LRP1B: variants seen among roughly 807,000 people sequenced by gnomAD.
The protein encoded by LRP1B is low-density lipoprotein receptor-related protein 1B.
LRP1B carries 217 observed loss-of-function variants against 556.6 expected under a neutral mutation model. The observed-to-expected ratio is 0.39, with a 90% confidence interval of 0.35 to 0.44. LRP1B has a LOEUF of 0.44. Ranked by LOEUF, LRP1B falls within the 20% of genes least tolerant of loss-of-function variation. The probability of loss-of-function intolerance (pLI) is 1.00; values close to 1 mark genes in which losing one functional copy is unlikely to be tolerated. For missense variants in LRP1B, 5,053 were observed against 5,620.8 expected (o/e 0.90, Z 3.23); for synonymous variants, 2,047 against 1,865.8 (o/e 1.10, Z -2.50).
chr2:141,991,349 C>T (rs1702338414), intron 1 of LRP1B, among the ~76,000 whole-genome samples: 1 of 151,896 alleles, frequency 6.6e-6, no homozygotes, highest in African/African-American at 2.4e-5. Flanking sequence ...TTGTGATCAC[C>T]CTTAACATAG....
At chr2:140,503,523 T>C (rs919034868) in intron 53 of LRP1B, among the ~76,000 whole-genome samples, 3 of 152,106 alleles carry the variant, frequency 2.0e-5, no homozygotes, top group Non-Finnish European at 4.4e-5. Flanking sequence ...TCTGATATCA[T>C]GTTTATGTTT....
At chr2:141,266,323 CAAAA>C (rs34877238) in intron 3 of LRP1B, among the ~76,000 whole-genome samples, 2 of 73,282 alleles carry the variant, frequency 2.7e-5, no homozygotes, top group Admixed American at 1.5e-4. Flanking sequence ...GACTCTGTTT[CAAAA>C]AAAAAAAAAA....
At chr2:141,124,675 A>AG (rs1701155675) in intron 7 of LRP1B, among the ~76,000 whole-genome samples, 1 of 151,548 alleles carries the variant, frequency 6.6e-6, no homozygotes, top group African/African-American at 2.4e-5. Flanking sequence ...AAAAAAAAAA[A>AG]AAAAAGAAAA....
chr2:141,530,301 T>A (rs1298389484), intron 2 of LRP1B, among the ~76,000 whole-genome samples: 1 of 152,034 alleles, frequency 6.6e-6, no homozygotes, highest in Non-Finnish European at 1.5e-5. Flanking sequence ...AGATGTGGAA[T>A]AGAGAATTAG....
At chr2:140,485,211 A>G (rs1039790618) in intron 59 of LRP1B, 132 bp downstream of exon 59, 18 of 536,092 alleles carry the variant, frequency 3.4e-5, no homozygotes, top group African/African-American at 2.7e-4. Context: ...GTTTTTTTCT[A>G]TTTCTAAGTG....
chr2:140,817,974 G>T (rs1691186369), intron 31 of LRP1B, among the ~76,000 whole-genome samples: 1 of 152,062 alleles, frequency 6.6e-6, no homozygotes, highest in African/African-American at 2.4e-5. Context: ...AGTTTAATTG[G>T]TTTGGGCTGG....
intron 2 of LRP1B, among the ~76,000 whole-genome samples, chr2:141,740,329 G>C (rs187093005): frequency 6.6e-6 from 1 of 152,280 alleles, no homozygotes; most frequent in African/African-American, 2.4e-5. Context: ...AGTCTAATCA[G>C]TGTAATATAC....
At chr2:141,693,984 T>A (rs1691638800) in intron 2 of LRP1B, among the ~76,000 whole-genome samples, 1 of 151,990 alleles carries the variant, frequency 6.6e-6, no homozygotes, top group African/African-American at 2.4e-5. Flanking sequence ...GGACTAGGAA[T>A]TGGAGTGCAA....
intron 66 of LRP1B, among the ~76,000 whole-genome samples, chr2:140,435,687 G>C (rs914048558): frequency 6.7e-6 from 1 of 150,238 alleles, no homozygotes; most frequent in African/African-American, 2.4e-5. Flanking sequence ...AAAAAAGAAA[G>C]AAACATCAAC....
intron 2 of LRP1B, among the ~76,000 whole-genome samples, chr2:141,668,055 G>A (rs1375148071): frequency 6.6e-6 from 1 of 152,104 alleles, no homozygotes; most frequent in Non-Finnish European, 1.5e-5. Flanking sequence ...TAGCTATGAA[G>A]CATGGCACCC....
intron 67 of LRP1B, among the ~76,000 whole-genome samples, chr2:140,385,374 A>G (rs114701040): frequency 0.052 from 7,914 of 152,338 alleles, 293 homozygotes; most frequent in Non-Finnish European, 0.082. Context: ...TATTATATAA[A>G]ATGGAGAAGA....
At chr2:140,364,044 A>G (rs1457503859) in intron 72 of LRP1B, among the ~76,000 whole-genome samples, 2 of 151,672 alleles carry the variant, frequency 1.3e-5, no homozygotes, top group African/African-American at 2.4e-5. Flanking sequence ...TGTTGGTCTC[A>G]TAAGCATACA....
intron 7 of LRP1B, among the ~76,000 whole-genome samples, chr2:141,181,368 G>A (rs1044999318): frequency 1.3e-5 from 2 of 151,912 alleles, no homozygotes; most frequent in African/African-American, 2.4e-5. Flanking sequence ...CGAACTATAT[G>A]TAGTTGTTTT....
In LRP1B at chr2:140,697,324, A is replaced by G. The variant is rs540679747; in HGVS notation, c.6799+2926T>C. Among the ~76,000 whole-genome samples, 7 of 152,244 alleles carry G rather than the reference A, an allele frequency of 4.6e-5. No individual in the cohort carries two copies. The South Asian group carries it at 1.2e-3, about 27-fold the overall frequency. ...ATCTTTGCCTTCAGACACGGCACTC[A>G]CAACCCTTACAGTTCATCAGACCTA... On this transcript the variant is annotated intron_variant, in intron 41 of 90. Coordinates refer to ENST00000389484, the MANE Select transcript of LRP1B (RefSeq NM_018557.3).
At chr2:141,308,419 A>T (rs1403343290) in intron 3 of LRP1B, among the ~76,000 whole-genome samples, 1 of 152,226 alleles carries the variant, frequency 6.6e-6, no homozygotes, top group Non-Finnish European at 1.5e-5. Flanking sequence ...AGTCATTTCT[A>T]GCTGATAACA....
chr2:141,911,550 A>G (rs1346341425), intron 1 of LRP1B, among the ~76,000 whole-genome samples: 1 of 152,190 alleles, frequency 6.6e-6, no homozygotes, highest in Admixed American at 6.6e-5. Context: ...AATTTTAGTC[A>G]GTAGCATCCT....
chr2:140,853,268 A>G (rs564205897), intron 27 of LRP1B, among the ~76,000 whole-genome samples: 62 of 152,302 alleles, frequency 4.1e-4, no homozygotes, highest in African/African-American at 1.4e-3. Context: ...GACACAGAAA[A>G]GAATCTGAAC....
chr2:141,189,869 A>T (rs1681427616), intron 6 of LRP1B, among the ~76,000 whole-genome samples: 1 of 151,868 alleles, frequency 6.6e-6, no homozygotes, highest in Admixed American at 6.6e-5. Context: ...GTACCTGGGG[A>T]GCAGCCAATG....
chr2:141,874,682 T>C (rs1348536897), intron 1 of LRP1B, among the ~76,000 whole-genome samples: 1 of 151,930 alleles, frequency 6.6e-6, no homozygotes, highest in Non-Finnish European at 1.5e-5. Context: ...TAACTTTAAA[T>C]GATAGAAAAT....
Sources: allele counts gnomAD v4.1 joint callset (sites outside exome capture counted in the v4.1 genomes callset), GRCh38; gene constraint gnomAD v4.1.1; transcripts MANE v1.5; gene names NCBI Gene and HGNC (gene_info 2026-07-23, HGNC 2026-07-21).